The following KLF8 variants were observed in gnomAD, a reference collection of about 807,000 sequenced individuals.
KLF8 encodes KLF transcription factor 8.
A neutral mutation model predicts 18.2 loss-of-function variants in KLF8; 10 were observed. That is an observed-to-expected ratio of 0.55 (90% confidence interval 0.34 to 0.93). The LOEUF (loss-of-function observed/expected upper bound fraction) is 0.93, where lower values mean the gene tolerates loss of function less well. Ranked by LOEUF, KLF8 falls within the 40% of genes least tolerant of loss-of-function variation. KLF8 has a pLI of 0.02. For missense variants in KLF8, 264 were observed against 277.9 expected (o/e 0.95, Z 0.36); for synonymous variants, 109 against 97.3 (o/e 1.12, Z -0.71).
At chrX:56,155,032 T>C in the KLF8 span, among the ~76,000 whole-genome samples, 1 of 112,139 alleles carries the variant, frequency 8.9e-6, no homozygotes, top group East Asian at 2.8e-4. Flanking sequence ...TCAACCATTG[T>C]GGAAGTCAGT....
At chrX:55,933,327 GAACA>G in the KLF8 span, among the ~76,000 whole-genome samples, 2 of 111,676 alleles carry the variant, frequency 1.8e-5, no homozygotes, top group Non-Finnish European at 3.8e-5. Flanking sequence ...AGTCTTCTCA[GAACA>G]AACAATTTCT....
the KLF8 span, among the ~76,000 whole-genome samples, chrX:55,910,174 G>A: frequency 9.0e-6 from 1 of 111,721 alleles, no homozygotes; most frequent in South Asian, 3.8e-4. Flanking sequence ...CTGTGACAGA[G>A]CAAGGTATTG....
chrX:55,957,271 C>T, the KLF8 span, among the ~76,000 whole-genome samples: 2 of 111,781 alleles, frequency 1.8e-5, no homozygotes, highest in Admixed American at 1.9e-4. Context: ...TATGCCAGTA[C>T]TACAGTGTTT....
chrX:56,050,916 G>C, the KLF8 span, among the ~76,000 whole-genome samples: 3 of 108,665 alleles, frequency 2.8e-5, no homozygotes, highest in African/African-American at 1.0e-4. Flanking sequence ...TCTCTTTGTA[G>C]GTCACTCAGG....
intron 1 of KLF8, among the ~76,000 whole-genome samples, chrX:56,235,204 G>A (rs1189516866): frequency 9.2e-6 from 1 of 109,123 alleles, no homozygotes; most frequent in Non-Finnish European, 1.9e-5. Flanking sequence ...CTGGTGCGGT[G>A]GGGGCAGTAT....
At chrX:56,172,950 G>A in the KLF8 span, among the ~76,000 whole-genome samples, 2 of 111,703 alleles carry the variant, frequency 1.8e-5, no homozygotes, top group East Asian at 2.8e-4. Context: ...TTTTGATGGG[G>A]TGGTTTTCTT....
At chrX:55,914,310 T>G in the KLF8 span, among the ~76,000 whole-genome samples, 1 of 112,041 alleles carries the variant, frequency 8.9e-6, no homozygotes, top group African/African-American at 3.2e-5. Flanking sequence ...CTCTATGTAG[T>G]CAGCTCTGTG....
At chrX:55,987,035 G>C in the KLF8 span, among the ~76,000 whole-genome samples, 5 of 110,742 alleles carry the variant, frequency 4.5e-5, no homozygotes, top group Non-Finnish European at 9.5e-5. Flanking sequence ...TGAGCATCTT[G>C]GTTGATTCCA....
the KLF8 span, among the ~76,000 whole-genome samples, chrX:56,146,568 G>A: frequency 5.4e-5 from 6 of 110,639 alleles, no homozygotes; most frequent in East Asian, 1.4e-3. Flanking sequence ...GTCTGGATGT[G>A]GGGGGATTAG....
the KLF8 span, among the ~76,000 whole-genome samples, chrX:56,041,399 G>C: frequency 9.0e-6 from 1 of 110,687 alleles, no homozygotes; most frequent in African/African-American, 3.3e-5. Context: ...ACAGGCATGA[G>C]CCACCTCGCC....
chrX:56,033,062 T>A, the KLF8 span, among the ~76,000 whole-genome samples: 1 of 111,487 alleles, frequency 9.0e-6, no homozygotes, highest in Non-Finnish European at 1.9e-5. Context: ...ACATATGATA[T>A]AGATATATAA....
the KLF8 span, among the ~76,000 whole-genome samples, chrX:56,173,109 TC>T: frequency 3.6e-5 from 4 of 111,984 alleles, no homozygotes; most frequent in Admixed American, 2.8e-4. Flanking sequence ...TTTAATTAGA[TC>T]CCATTTGTCA....
intron 1 of KLF8, chrX:56,243,332 CT>C: frequency 3.1e-6 from 1 of 326,725 alleles, no homozygotes; most frequent in Non-Finnish European, 5.6e-6. Flanking sequence ...TCAACACTGT[CT>C]TCTTGGCCTT....
At chrX:56,052,692 A>G in the KLF8 span, among the ~76,000 whole-genome samples, 1 of 111,880 alleles carries the variant, frequency 8.9e-6, no homozygotes, top group African/African-American at 3.3e-5. Context: ...AGGGACATTT[A>G]AGTCTGCAGA....
At chrX:56,139,011 C>G in the KLF8 span, among the ~76,000 whole-genome samples, 1 of 110,954 alleles carries the variant, frequency 9.0e-6, no homozygotes, top group Non-Finnish European at 1.9e-5. Flanking sequence ...TTTCTACACA[C>G]CAAAAACACC....
chrX:56,128,512 T>C, the KLF8 span, among the ~76,000 whole-genome samples: 1 of 111,578 alleles, frequency 9.0e-6, no homozygotes, highest in East Asian at 2.8e-4. Context: ...CAAGAGACCA[T>C]TTTATGCCCC....
the KLF8 span, among the ~76,000 whole-genome samples, chrX:55,911,533 ATGATTCC>A: frequency 2.7e-5 from 3 of 112,006 alleles, no homozygotes; most frequent in Non-Finnish European, 5.6e-5. Context: ...GCTGGCACAC[ATGATTCC>A]TTTTAAGTTG....
chrX:56,115,070 A>T, the KLF8 span, among the ~76,000 whole-genome samples: 1 of 111,488 alleles, frequency 9.0e-6, no homozygotes, highest in Admixed American at 9.5e-5. Flanking sequence ...GGAATTTTCT[A>T]TTTGTGGTAA....
At chrX:56,211,656 G>A in the KLF8 span, among the ~76,000 whole-genome samples, 1 of 112,351 alleles carries the variant, frequency 8.9e-6, no homozygotes, top group Non-Finnish European at 1.9e-5. Flanking sequence ...CAGAAGTTCC[G>A]TTAAGGAGTC....
Sources: allele counts gnomAD v4.1 joint callset (sites outside exome capture counted in the v4.1 genomes callset), GRCh38; gene constraint gnomAD v4.1.1; transcripts MANE v1.5; gene names NCBI Gene and HGNC (gene_info 2026-07-23, HGNC 2026-07-21).